ACY3: variants seen among roughly 807,000 people sequenced by gnomAD.
ACY3 encodes the protein aminoacylase 3, also known as N-acyl-aromatic-L-amino acid amidohydrolase (carboxylate-forming).
ACY3 carries 20 observed loss-of-function variants against 24.6 expected under a neutral mutation model. That is an observed-to-expected ratio of 0.81 (90% CI 0.57 to 1.18). ACY3 has a LOEUF of 1.18. ACY3 is among the 50% of genes most tolerant of loss of function. The pLI is 0.00. For synonymous variants in ACY3, 174 were observed against 188.4 expected (o/e 0.92, Z 0.62); for missense variants, 423 against 426.8 (o/e 0.99, Z 0.08).
intron 7 of ACY3, among the ~76,000 whole-genome samples, chr11:67,644,210 C>T (rs1163357619): frequency 6.6e-6 from 1 of 151,858 alleles, no homozygotes; most frequent in Non-Finnish European, 1.5e-5. Flanking sequence ...TTGCACCAGA[C>T]CCTATTCAAC....
chr11:67,645,355 T>C lies in ACY3; in HGVS notation c.458A>G (p.Gln153Arg), dbSNP rs776368388. The C allele has an allele frequency of 1.2e-6, 2 of 1,613,622 alleles. No individual in the cohort carries two copies. The highest frequency in any genetic ancestry group is 2.2e-5 in the South Asian group (2 of 91,026). ...LQLQYPELSC[Q>R]VFLYQRSGEE... ...CCCAGACCGCTGGTACAGGAAGACC[T>C]GGCAGGACAGCTCGGGGTACTGCAG... Residue 153 changes from glutamine to arginine, a missense_variant, in exon 5 of 8, where the codon CAG (glutamine) becomes CGG (arginine). Gln to Arg is a conservative substitution (Grantham distance 43, BLOSUM62 1). Coordinates refer to ENST00000255082, the MANE Select transcript of ACY3 (RefSeq NM_080658.2).
rs1176416628 is a variant in ACY3 at position 67,644,480 on chromosome 11, G to T, written c.744+280C>A. 2.0e-5 allele frequency among the ~76,000 whole-genome samples: 3 copies of T among 152,188 alleles called. No homozygotes were observed. The East Asian group carries it at 5.8e-4, about 29-fold the overall frequency. On this transcript the variant is annotated intron_variant, in intron 7 of 7. Transcript: ENST00000255082. The stretch of plus-strand genomic sequence containing the variant: ...CCTCCCTCTGCCTTTTACAGCCAGG[G>T]TAGGGTTGTCTCCATCATGCCCTCC...
In ACY3 at chr11:67,645,363, C is replaced by G; in HGVS notation, c.450G>C (p.Leu150=). ...CRHLQLQYPE[L]SCQVFLYQRS... is the part of the protein sequence containing the mutation. ...GCTGGTACAGGAAGACCTGGCAGGA[C>G]AGCTCGGGGTACTGCAGCTGGGGGC... The change falls in exon 5 of 8, where the codon CTG becomes CTC. Residue 150 remains leucine, a synonymous_variant. Coordinates refer to ENST00000255082, the MANE Select transcript of ACY3 (RefSeq NM_080658.2). The G allele has an allele frequency of 6.2e-7, 1 of 1,613,532 alleles. No homozygotes were observed. The highest frequency in any genetic ancestry group is 8.5e-7 in the Non-Finnish European group (1 of 1,179,976).
At chr11:67,647,858 G>A (rs1855548529) in intron 1 of ACY3, among the ~76,000 whole-genome samples, 1 of 152,246 alleles carries the variant, frequency 6.6e-6, no homozygotes. Context: ...CCGCAGTGGG[G>A]TGGTGACTTG....
chr11:67,645,704 G>A lies in ACY3; in HGVS notation c.420C>T (p.Cys140=), dbSNP rs1463535374. The change falls in exon 4 of 8, where the codon TGC becomes TGT. Residue 140 remains cysteine (C), a synonymous_variant. Coordinates refer to ENST00000255082, the MANE Select transcript of ACY3 (RefSeq NM_080658.2). ...SSHEVFAMHL[C]RHLQLQYPEL... ...GGGCCGGGGCCACCTGCAGATGGCG[G>A]CACAGGTGCATGGCAAAGACTTCGT... 2 of 1,606,226 alleles carry A rather than the reference G, an allele frequency of 1.2e-6. No homozygotes were observed. Among genetic ancestry groups the A allele is most frequent in the Non-Finnish European group, 1.7e-6 (2 of 1,176,422 alleles).
intron 4 of ACY3, 41 bp from the exon 5 acceptor site, chr11:67,645,421 G>A: frequency 1.3e-6 from 2 of 1,592,652 alleles, no homozygotes; most frequent in Non-Finnish European, 1.7e-6. Flanking sequence ...AGGCCTACTT[G>A]GGAAGGGAAA....
At chr11:67,649,584 G>C (rs1855580051) in intron 1 of ACY3, among the ~76,000 whole-genome samples, 1 of 151,930 alleles carries the variant, frequency 6.6e-6, no homozygotes, top group African/African-American at 2.4e-5. Flanking sequence ...GTGTGCGTGT[G>C]CATGAGAGCA....
chr11:67,644,649 G>T, intron 7 of ACY3, 111 bp downstream of exon 7: 1 of 1,015,886 alleles, frequency 9.8e-7, no homozygotes, highest in Non-Finnish European at 1.4e-6. Flanking sequence ...TGAGCTCGTG[G>T]GAGGCTTGGC....
intron 3 of ACY3, 143 bp from the exon 4 acceptor site, chr11:67,646,030 C>A: frequency 1.3e-6 from 1 of 790,284 alleles, no homozygotes; most frequent in East Asian, 2.8e-5. Flanking sequence ...GTGGCTGTGT[C>A]CACCCCTGCC....
Position 67,645,854 on chromosome 11 carries a change from C to A in ACY3, c.270G>T (p.Val90=), listed in dbSNP as rs200629521. ...GCTGGTTCAGCTCTCGGGCTCTTGTCACCTCATATGGGTCGTCCGGGGTGG... is the reference window on the plus strand; with the variant it reads ...GCTGGTTCAGCTCTCGGGCTCTTGTAACCTCATATGGGTCGTCCGGGGTGG... The part of the protein sequence containing the change: ...SRPTPDDPYE[V]TRARELNQLL... Residue 90 remains valine, a synonymous_variant, in exon 4 of 8, where the codon GTG becomes GTT. Transcript: ENST00000255082. 1 of 1,612,376 alleles carries A rather than the reference C, an allele frequency of 6.2e-7. No homozygotes were observed. Among genetic ancestry groups the A allele is most frequent in the Admixed American group, 1.7e-5 (1 of 59,644 alleles).
Position 67,642,722 on chromosome 11 carries a change from G to A in ACY3, c.*2C>T, listed in dbSNP as rs762743990. On this transcript the variant is annotated 3_prime_UTR_variant, in exon 8 of 8. Transcript: ENST00000255082. ...ACTGAGGTTGGGGAGGTGTGTCTTGGGTTAGGAAGCTGGGCTCGGGGCAGG... is the reference window on the plus strand; with the variant it reads ...ACTGAGGTTGGGGAGGTGTGTCTTGAGTTAGGAAGCTGGGCTCGGGGCAGG... The A allele has an allele frequency of 1.9e-6, 3 of 1,613,972 alleles. No homozygotes were observed. Among genetic ancestry groups the A allele is most frequent in the Admixed American group, 3.3e-5 (2 of 60,014 alleles).
At chr11:67,645,254 G>A in intron 5 of ACY3, 33 bp downstream of exon 5, 1 of 1,612,072 alleles carries the variant, frequency 6.2e-7, no homozygotes, top group Non-Finnish European at 8.5e-7. Flanking sequence ...AGCCCTCCTG[G>A]CCCCGCCCAC....
intron 2 of ACY3, among the ~76,000 whole-genome samples, 151 bp downstream of exon 2, chr11:67,647,365 G>A (rs983354470): frequency 2.0e-5 from 3 of 152,198 alleles, no homozygotes; most frequent in Non-Finnish European, 4.4e-5. Flanking sequence ...CCTTTTTATA[G>A]ACAGGGAAAC....
chr11:67,645,154 T>G lies in ACY3; in HGVS notation c.527-2A>C. The G allele has an allele frequency of 6.2e-7, 1 of 1,611,402 alleles. No individual in the cohort carries two copies. The highest frequency in any genetic ancestry group is 1.3e-5 in the African/African-American group (1 of 74,928). ...GTGGCTGGGGGCCCAGCTCCAGACC[T>G]GGGGACCAGGAAGCAAGGGGTTAGG... On this transcript the variant is annotated splice_acceptor_variant, in intron 5 of 7. Transcript: ENST00000255082. LOFTEE classifies it high-confidence loss of function.
intron 1 of ACY3, among the ~76,000 whole-genome samples, chr11:67,649,745 G>GCA (rs1357073308): frequency 5.9e-5 from 8 of 135,068 alleles, no homozygotes; most frequent in African/African-American, 3.1e-4. Context: ...GTGTGCGTGT[G>GCA]TGCGCATGTG....
intron 1 of ACY3, among the ~76,000 whole-genome samples, chr11:67,650,115 A>G: frequency 6.6e-6 from 1 of 152,168 alleles, no homozygotes; most frequent in South Asian, 2.1e-4. Context: ...AAATGGGCAC[A>G]TGGAGACCCC....
chr11:67,643,611 G>C (rs1482847817), intron 7 of ACY3, among the ~76,000 whole-genome samples: 1 of 152,082 alleles, frequency 6.6e-6, no homozygotes, highest in Non-Finnish European at 1.5e-5. Flanking sequence ...TCAGGAGGCG[G>C]AGGTTGCAGT....
intron 7 of ACY3, 148 bp from the exon 8 acceptor site, chr11:67,643,087 G>A (rs1277109312): frequency 1.4e-6 from 1 of 711,408 alleles, no homozygotes; most frequent in Non-Finnish European, 2.4e-6. Context: ...ATGACAGCAG[G>A]TCTGGTGAGA....
At chr11:67,643,472 G>A (rs1490757160) in intron 7 of ACY3, among the ~76,000 whole-genome samples, 1 of 152,208 alleles carries the variant, frequency 6.6e-6, no homozygotes, top group African/African-American at 2.4e-5. Context: ...GAGGTCAGGA[G>A]TTCAAGACCA....
Sources: gnomAD v4.1 joint callset for allele counts (sites outside exome capture counted in the v4.1 genomes callset) on GRCh38, gnomAD v4.1.1 for gene constraint, MANE v1.5 for transcripts, NCBI Gene and HGNC (gene_info 2026-07-23, HGNC 2026-07-21) for gene names.